The following CCDC85A variants were observed in gnomAD, a reference collection of about 807,000 sequenced individuals.
CCDC85A encodes the protein coiled-coil domain containing 85A.
Under a neutral mutation model 50.2 loss-of-function variants are expected in CCDC85A, and 38 were observed. That is an observed-to-expected ratio of 0.76 (90% confidence interval 0.58 to 0.99). The LOEUF (loss-of-function observed/expected upper bound fraction) is 0.99, where lower values mean the gene tolerates loss of function less well. Ranked by LOEUF, CCDC85A falls within the 50% of genes least tolerant of loss-of-function variation. The pLI, the probability that CCDC85A is intolerant of heterozygous loss-of-function variation, is 0.00. For synonymous variants in CCDC85A, 366 were observed against 301.4 expected (o/e 1.21, Z -2.22); for missense variants, 820 against 742.0 (o/e 1.11, Z -1.22).
chr2:56,231,205 T>A (rs1377468092), intron 2 of CCDC85A, among the ~76,000 whole-genome samples: 2 of 152,172 alleles, frequency 1.3e-5, no homozygotes, highest in African/African-American at 4.8e-5. Context: ...AAGAATAAAA[T>A]CATATTAATT....
chr2:56,195,500 C>T (rs1676488417), intron 2 of CCDC85A, among the ~76,000 whole-genome samples: 2 of 152,190 alleles, frequency 1.3e-5, no homozygotes, highest in Non-Finnish European at 2.9e-5. Flanking sequence ...ATTTGCAGTG[C>T]ATTTGCATTG....
At chr2:56,319,333 T>G (rs1457335019) in intron 2 of CCDC85A, among the ~76,000 whole-genome samples, 10 of 152,054 alleles carry the variant, frequency 6.6e-5, no homozygotes, top group Admixed American at 6.6e-4. Context: ...ACCCAGGCAG[T>G]CTAGCTCTCA....
intron 2 of CCDC85A, among the ~76,000 whole-genome samples, chr2:56,313,709 A>T (rs1465713166): frequency 6.6e-6 from 1 of 152,098 alleles, no homozygotes; most frequent in Non-Finnish European, 1.5e-5. Flanking sequence ...GTTGCCATGG[A>T]TACTTGCTGT....
chr2:56,300,899 C>G (rs1177028579), intron 2 of CCDC85A, among the ~76,000 whole-genome samples: 1 of 152,136 alleles, frequency 6.6e-6, no homozygotes, highest in African/African-American at 2.4e-5. Context: ...TGGTTTGAGT[C>G]ACATTTAATC....
chr2:56,379,763 A>T lies in CCDC85A; in HGVS notation c.1572+3828A>T, dbSNP rs540166276. Reference sequence around the variant, plus strand: ...CAACAAATCCAGGTCTTGGATGTTCAGGAAACTATAGATCGTCAACAGGGT... The same window carrying T: ...CAACAAATCCAGGTCTTGGATGTTCTGGAAACTATAGATCGTCAACAGGGT... On this transcript the variant is annotated intron_variant, in intron 5 of 5. Coordinates refer to ENST00000407595, the MANE Select transcript of CCDC85A (RefSeq NM_001080433.2). The T allele has an allele frequency of 7.1e-6, 7 of 983,098 alleles. No homozygotes were observed. In the East Asian group the frequency reaches 6.8e-4, roughly 96 times the overall value. 60.9% of individuals were successfully genotyped at this position (983,098 alleles called of 1,614,324 possible). A position where few individuals can be genotyped will look rare whatever the true frequency, so the allele number is the denominator to read the frequency against.
intron 2 of CCDC85A, among the ~76,000 whole-genome samples, chr2:56,266,280 G>C (rs571357953): frequency 4.6e-5 from 7 of 152,130 alleles, no homozygotes; most frequent in Non-Finnish European, 8.8e-5. Context: ...TTTCAAACTA[G>C]CTGAAAGAAT....
chr2:56,348,462 C>G lies in CCDC85A; in HGVS notation c.1317+5507C>G, dbSNP rs114940835. Among the ~76,000 whole-genome samples, 412 of 152,296 alleles carry G rather than the reference C, an allele frequency of 2.7e-3. 1 individual carries two copies. The highest frequency in any genetic ancestry group is 9.6e-3 in the African/African-American group (397 of 41,564). On this transcript the variant is annotated intron_variant, in intron 3 of 5. Coordinates refer to ENST00000407595, the MANE Select transcript of CCDC85A (RefSeq NM_001080433.2). ...TTTCTATTTCTCTAGTGCTAGCACA[C>G]ACAGAAGAGTCTAATTTTAGAAATG...
intron 2 of CCDC85A, among the ~76,000 whole-genome samples, chr2:56,310,919 T>C (rs1050141761): frequency 2.0e-5 from 3 of 152,178 alleles, no homozygotes; most frequent in African/African-American, 7.2e-5. Context: ...GAGCCATTTG[T>C]CTCTCTTGAA....
chr2:56,344,373 T>TGAA (rs1674527864), intron 3 of CCDC85A, among the ~76,000 whole-genome samples: 1 of 151,932 alleles, frequency 6.6e-6, no homozygotes, highest in Admixed American at 6.5e-5. Context: ...ACAGCATGGA[T>TGAA]TCATCCCAGG....
At chr2:56,311,103 G>A (rs566127974) in intron 2 of CCDC85A, among the ~76,000 whole-genome samples, 1 of 152,112 alleles carries the variant, frequency 6.6e-6, no homozygotes, top group Non-Finnish European at 1.5e-5. Flanking sequence ...ACATAAGCTA[G>A]AAATAATGAT....
intron 2 of CCDC85A, among the ~76,000 whole-genome samples, chr2:56,263,060 A>G (rs964819087): frequency 6.6e-6 from 1 of 152,244 alleles, no homozygotes; most frequent in African/African-American, 2.4e-5. Context: ...AGCACTAGAA[A>G]TACTGCAAAC....
At chr2:56,266,576 G>GCCCC (rs1445113304) in intron 2 of CCDC85A, among the ~76,000 whole-genome samples, 2 of 61,640 alleles carry the variant, frequency 3.2e-5, no homozygotes, top group South Asian at 1.1e-3. Flanking sequence ...TAACAATAAC[G>GCCCC]CGCCCCCCCC....
chr2:56,302,046 A>T (rs539796083), intron 2 of CCDC85A, among the ~76,000 whole-genome samples: 1 of 152,202 alleles, frequency 6.6e-6, no homozygotes, highest in East Asian at 1.9e-4. Flanking sequence ...ACTTGAGGTC[A>T]GGAGTTGGAG....
At chr2:56,332,010 G>T (rs528686968) in intron 2 of CCDC85A, among the ~76,000 whole-genome samples, 1 of 150,428 alleles carries the variant, frequency 6.6e-6, no homozygotes, top group Admixed American at 6.6e-5. Flanking sequence ...CTGCCCCGCC[G>T]TGCATTGCAC....
intron 2 of CCDC85A, among the ~76,000 whole-genome samples, chr2:56,317,067 A>T (rs1226860705): frequency 6.6e-6 from 1 of 152,080 alleles, no homozygotes; most frequent in Admixed American, 6.6e-5. Context: ...AGGTTATCTC[A>T]TGTTATAAGA....
chr2:56,315,728 A>C (rs1672891954), intron 2 of CCDC85A, among the ~76,000 whole-genome samples: 1 of 152,134 alleles, frequency 6.6e-6, no homozygotes, highest in Admixed American at 6.6e-5. Flanking sequence ...CTTGAAAGAT[A>C]GGTGGGATTT....
At chr2:56,202,672 A>G (rs1039539375) in intron 2 of CCDC85A, among the ~76,000 whole-genome samples, 1 of 152,250 alleles carries the variant, frequency 6.6e-6, no homozygotes, top group Non-Finnish European at 1.5e-5. Flanking sequence ...TTATGCTACT[A>G]TAGGCAGAAG....
rs1312222050 is a variant in CCDC85A, at chr2:56,184,474, C to A, written c.-151C>A. Reference sequence around the variant, plus strand: ...GAGGTAGGATGGCCACCCAGCGCGACCCCCGCCGCCCCAACCCAGCGGCCC... The same window carrying A: ...GAGGTAGGATGGCCACCCAGCGCGAACCCCGCCGCCCCAACCCAGCGGCCC... On this transcript the variant is annotated 5_prime_UTR_variant, in exon 1 of 6. Coordinates refer to ENST00000407595, the MANE Select transcript of CCDC85A (RefSeq NM_001080433.2). The A allele has an allele frequency of 2.3e-6, 2 of 877,048 alleles. No homozygotes were observed. The highest frequency in any genetic ancestry group is 3.0e-6 in the Non-Finnish European group (2 of 670,692). 54.3% of individuals were successfully genotyped at this position (877,048 alleles called of 1,614,324 possible).
intron 5 of CCDC85A, among the ~76,000 whole-genome samples, chr2:56,377,530 A>G (rs1676390773): frequency 6.6e-6 from 1 of 152,064 alleles, no homozygotes; most frequent in African/African-American, 2.4e-5. Context: ...ACACTGAAAT[A>G]TTTTCCAGAT....
Sources: gnomAD v4.1 joint callset for allele counts (sites outside exome capture counted in the v4.1 genomes callset) on GRCh38, gnomAD v4.1.1 for gene constraint, MANE v1.5 for transcripts, NCBI Gene and HGNC (gene_info 2026-07-23, HGNC 2026-07-21) for gene names.